The following GALNT13 variants were observed in gnomAD, a reference collection of about 807,000 sequenced individuals.
The protein encoded by GALNT13 is polypeptide N-acetylgalactosaminyltransferase 13, also known as UDP-GalNAc:polypeptide N-acetylgalactosaminyltransferase 13.
Under a neutral mutation model 64.2 loss-of-function variants are expected in GALNT13, and 28 were observed. That is an observed-to-expected ratio of 0.44 (90% CI 0.32 to 0.60). The LOEUF (loss-of-function observed/expected upper bound fraction) is 0.60, where lower values mean the gene tolerates loss of function less well. Ranked by LOEUF, GALNT13 falls within the 20% of genes least tolerant of loss-of-function variation. GALNT13 has a pLI of 0.05. For synonymous variants in GALNT13, 214 were observed against 224.6 expected, an observed-to-expected ratio of 0.95 and a Z score of 0.42; for missense variants, 577 against 669.8, an observed-to-expected ratio of 0.86 and a Z score of 1.53.
chr2:153,411,745 C>G, the GALNT13 span, among the ~76,000 whole-genome samples: 18 of 152,270 alleles, frequency 1.2e-4, no homozygotes, highest in African/African-American at 4.3e-4. Context: ...AGAACATTAA[C>G]TCAGGTTCTG....
At chr2:153,270,428 C>T in the GALNT13 span, among the ~76,000 whole-genome samples, 2 of 152,190 alleles carry the variant, frequency 1.3e-5, no homozygotes, top group Admixed American at 1.3e-4. Context: ...TAAGATTCTG[C>T]AACCTGCAAG....
the GALNT13 span, among the ~76,000 whole-genome samples, chr2:153,281,396 T>A: frequency 6.6e-6 from 1 of 152,096 alleles, no homozygotes; most frequent in Non-Finnish European, 1.5e-5. Flanking sequence ...TTAGTATTGG[T>A]ATGAGATGTT....
chr2:154,202,747 C>A (rs1381284217), intron 4 of GALNT13, among the ~76,000 whole-genome samples: 2 of 151,954 alleles, frequency 1.3e-5, no homozygotes. Context: ...TTTGATATCC[C>A]AAACAGGCTA....
the GALNT13 span, among the ~76,000 whole-genome samples, chr2:153,143,409 A>G: frequency 6.6e-6 from 1 of 151,974 alleles, no homozygotes; most frequent in African/African-American, 2.4e-5. Context: ...GCCAGATACT[A>G]GGGTCCATGA....
chr2:153,351,557 A>G, the GALNT13 span, among the ~76,000 whole-genome samples: 1 of 141,982 alleles, frequency 7.0e-6, no homozygotes, highest in African/African-American at 2.5e-5. Flanking sequence ...ACACAAATCC[A>G]TTCTTTTAGA....
At chr2:153,856,559 C>A in the GALNT13 span, among the ~76,000 whole-genome samples, 2 of 151,990 alleles carry the variant, frequency 1.3e-5, no homozygotes, top group African/African-American at 4.8e-5. Context: ...CAGGAAAATG[C>A]AAATTGAAAT....
At chr2:153,615,293 G>C in the GALNT13 span, among the ~76,000 whole-genome samples, 1 of 152,142 alleles carries the variant, frequency 6.6e-6, no homozygotes, top group African/African-American at 2.4e-5. Context: ...CACCTAGGTT[G>C]CTTTCAAATC....
chr2:153,935,429 G>A (rs1690835187), intron 2 of GALNT13, among the ~76,000 whole-genome samples: 1 of 152,086 alleles, frequency 6.6e-6, no homozygotes. Flanking sequence ...TCATTACATT[G>A]GTCTGATTAA....
chr2:153,647,255 A>G, the GALNT13 span, among the ~76,000 whole-genome samples: 1 of 152,194 alleles, frequency 6.6e-6, no homozygotes, highest in Admixed American at 6.5e-5. Context: ...GGCTGCATAA[A>G]TGTCTTCTTT....
chr2:153,660,704 A>T, the GALNT13 span, among the ~76,000 whole-genome samples: 2 of 152,008 alleles, frequency 1.3e-5, no homozygotes, highest in South Asian at 2.1e-4. Context: ...ACCACTGTAG[A>T]TGTGTTCTGT....
rs532764973 is a variant in GALNT13 at position 154,274,843 on chromosome 2, G to A, written c.975+15705G>A. ...GGCAGAGGTTAGAAGAGTTTGGAGGGATCAGAAGACAGGAAGATGTGGGAA... is the reference window on the plus strand; with the variant it reads ...GGCAGAGGTTAGAAGAGTTTGGAGGAATCAGAAGACAGGAAGATGTGGGAA... On this transcript the variant is annotated intron_variant, in intron 8 of 12. Transcript: ENST00000392825. Among the ~76,000 whole-genome samples, 284 of 152,256 alleles carry A rather than the reference G, an allele frequency of 1.9e-3. 1 individual carries two copies. The highest frequency in any genetic ancestry group is 2.9e-3 in the Non-Finnish European group (198 of 68,002).
At chr2:153,654,733 A>T in the GALNT13 span, among the ~76,000 whole-genome samples, 1 of 152,116 alleles carries the variant, frequency 6.6e-6, no homozygotes, top group Non-Finnish European at 1.5e-5. Flanking sequence ...TAATCTAGAG[A>T]TTATTTAAAA....
At chr2:153,906,206 G>A (rs1167418434) in intron 2 of GALNT13, among the ~76,000 whole-genome samples, 1 of 150,402 alleles carries the variant, frequency 6.6e-6, no homozygotes, top group African/African-American at 2.4e-5. Flanking sequence ...TTTTTTTAAT[G>A]TTGAGTTCAA....
rs193167052 is a variant in GALNT13 at position 153,921,743 on chromosome 2, A to G, written c.-105+20736A>G. Among the ~76,000 whole-genome samples the G allele has an allele frequency of 4.0e-3, 616 of 152,268 alleles. 5 individuals carry two copies. Among genetic ancestry groups the G allele is most frequent in the African/African-American group, 0.014 (602 of 41,566 alleles). On this transcript the variant is annotated intron_variant, in intron 2 of 12. Coordinates refer to ENST00000392825, the MANE Select transcript of GALNT13 (RefSeq NM_052917.4). ...AGATACAGTGTTTTCTCCATAGTAG[A>G]GGAAGAAAATACAGTAAATTTGGAA...
chr2:153,812,506 AT>A, the GALNT13 span, among the ~76,000 whole-genome samples: 1 of 152,188 alleles, frequency 6.6e-6, no homozygotes, highest in Non-Finnish European at 1.5e-5. Context: ...ACTATTAAAA[AT>A]ATTTCTGTAC....
chr2:153,944,539 G>T lies in GALNT13; in HGVS notation c.42G>T (p.Ser14=). The T allele has an allele frequency of 6.2e-7, 1 of 1,613,276 alleles. No individual in the cohort carries two copies. Among genetic ancestry groups the T allele is most frequent in the Non-Finnish European group, 8.5e-7 (1 of 1,179,336 alleles). ...ACTGCAAGGTGGTTCTAGCCACTTC[G>T]CTGATGTGGGTTCTTGTTGATGTCT... ...FVYCKVVLAT[S]LMWVLVDVFL... Residue 14 remains serine, a synonymous_variant, in exon 3 of 13, where the codon TCG becomes TCT. Transcript: ENST00000392825.
chr2:153,517,064 G>A, the GALNT13 span, among the ~76,000 whole-genome samples: 6 of 152,082 alleles, frequency 3.9e-5, no homozygotes, highest in Non-Finnish European at 7.4e-5. Flanking sequence ...TTCCAGGTGA[G>A]AGGCTCAGAG....
intron 4 of GALNT13, among the ~76,000 whole-genome samples, chr2:154,241,604 G>A (rs1689493854): frequency 6.6e-6 from 1 of 152,144 alleles, no homozygotes; most frequent in African/African-American, 2.4e-5. Context: ...AGAAAAATCT[G>A]TTTTACATAT....
chr2:154,144,936 C>A (rs1473806799), intron 4 of GALNT13, among the ~76,000 whole-genome samples: 1 of 151,116 alleles, frequency 6.6e-6, no homozygotes, highest in Non-Finnish European at 1.5e-5. Context: ...ATAGAAGATG[C>A]TAGTTACAAA....
Sources: allele counts gnomAD v4.1 joint callset (sites outside exome capture counted in the v4.1 genomes callset), GRCh38; gene constraint gnomAD v4.1.1; transcripts MANE v1.5; gene names NCBI Gene and HGNC (gene_info 2026-07-23, HGNC 2026-07-21).